The following DSG2 variants were observed in gnomAD, a reference collection of about 807,000 sequenced individuals.
DSG2 encodes desmoglein-2.
DSG2 carries 45 observed loss-of-function variants against 75.6 expected under a neutral mutation model. The ratio of observed to expected loss-of-function variants is 0.60; its 90% CI spans 0.47 to 0.76. DSG2 has a LOEUF of 0.76. Ranked by LOEUF, DSG2 falls within the 30% of genes least tolerant of loss-of-function variation. The probability of loss-of-function intolerance (pLI) is 0.00; values close to 1 mark genes in which losing one functional copy is unlikely to be tolerated. For missense variants in DSG2, 1,267 were observed against 1,357.4 expected (o/e 0.93, Z 1.05); for synonymous variants, 429 against 483.9 (o/e 0.89, Z 1.49).
At chr18:31,519,654 A>T (rs929070234) in intron 2 of DSG2, 149 bp from the exon 3 acceptor site, 1 of 792,252 alleles carries the variant, frequency 1.3e-6, no homozygotes, top group Non-Finnish European at 2.1e-6. Flanking sequence ...GAATATATAT[A>T]TTCCCTTTTA....
chr18:31,531,659 G>A (rs1487390966), intron 9 of DSG2, among the ~76,000 whole-genome samples: 1 of 152,218 alleles, frequency 6.6e-6, no homozygotes, highest in Admixed American at 6.5e-5. Context: ...ATTTTAATAT[G>A]GGGAAACCAG....
chr18:31,522,011 T>C (rs2144317552), intron 5 of DSG2, 72 bp from the exon 6 acceptor site: 1 of 1,445,896 alleles, frequency 6.9e-7, no homozygotes, highest in Middle Eastern at 1.8e-4. Flanking sequence ...CAAGCTAAAA[T>C]TATAAATAAA....
chr18:31,522,393 G>A, intron 6 of DSG2, 144 bp downstream of exon 6: 1 of 821,174 alleles, frequency 1.2e-6, no homozygotes, highest in Non-Finnish European at 1.9e-6. Context: ...TTAGGGATGT[G>A]CTGTCCAATA....
intron 1 of DSG2, among the ~76,000 whole-genome samples, chr18:31,514,235 T>C (rs2073081745): frequency 6.6e-6 from 1 of 152,166 alleles, no homozygotes; most frequent in Non-Finnish European, 1.5e-5. Flanking sequence ...TATGAGGAAA[T>C]TGGAGAAAGG....
chr18:31,541,348 C>T, intron 13 of DSG2, 34 bp downstream of exon 13: 1 of 1,612,590 alleles, frequency 6.2e-7, no homozygotes, highest in Non-Finnish European at 8.5e-7. Context: ...GACTTGTCTT[C>T]TTCTTGGGTT....
At chr18:31,517,216 T>G (rs2073099157) in intron 1 of DSG2, among the ~76,000 whole-genome samples, 1 of 152,172 alleles carries the variant, frequency 6.6e-6, no homozygotes, top group Non-Finnish European at 1.5e-5. Flanking sequence ...GCTAAAAGTT[T>G]TGATCTCATG....
chr18:31,535,426 TAG>T lies in DSG2; in HGVS notation c.1423+16_1423+17del, dbSNP rs762624659. On this transcript the variant is annotated intron_variant, in intron 10 of 14. Transcript: ENST00000261590. ...CCATATCAGAAGGTAAGTTATTAAATAGATCTTTTTCTTGATTATATGTATTT... is the reference window on the plus strand; with the variant it reads ...CCATATCAGAAGGTAAGTTATTAAATATCTTTTTCTTGATTATATGTATTT... 1.3e-6 allele frequency: 2 copies of T among 1,585,020 alleles called. No individual in the cohort carries two copies. Among genetic ancestry groups the T allele is most frequent in the East Asian group, 4.5e-5 (2 of 44,658 alleles).
At chr18:31,533,435 C>T (rs1177545591) in intron 9 of DSG2, among the ~76,000 whole-genome samples, 1 of 152,124 alleles carries the variant, frequency 6.6e-6, no homozygotes, top group Admixed American at 6.6e-5. Context: ...GCCATCACAC[C>T]ACTGCATTCC....
At chr18:31,528,440 G>A (rs981142461) in intron 8 of DSG2, among the ~76,000 whole-genome samples, 3 of 152,048 alleles carry the variant, frequency 2.0e-5, no homozygotes, top group Non-Finnish European at 4.4e-5. Context: ...GGCTGGGCAC[G>A]GTGGCTCCCG....
Position 31,538,982 on chromosome 18 carries a change from A to G in DSG2, c.1879+4A>G. On this transcript the variant is annotated splice_donor_region_variant and intron_variant, in intron 12 of 14. Coordinates refer to ENST00000261590, the MANE Select transcript of DSG2 (RefSeq NM_001943.5). ...TTGGCCTTTCTGCTCCTGCTATGTA[A>G]GTCTTTAAAAGCCACTCTGTTGTGC... 1 of 1,612,404 alleles carries G rather than the reference A, an allele frequency of 6.2e-7. No homozygotes were observed. Among genetic ancestry groups the G allele is most frequent in the Non-Finnish European group, 8.5e-7 (1 of 1,179,878 alleles).
chr18:31,508,185 G>A (rs2212618), intron 1 of DSG2, among the ~76,000 whole-genome samples: 74,111 of 151,728 alleles, frequency 0.49, 20,647 homozygotes, highest in African/African-American at 0.78. Flanking sequence ...GGTATTTTTT[G>A]AGTGACAAAT....
intron 8 of DSG2, among the ~76,000 whole-genome samples, chr18:31,528,000 G>A (rs889151761): frequency 6.6e-6 from 1 of 152,140 alleles, no homozygotes; most frequent in Non-Finnish European, 1.5e-5. Flanking sequence ...TGAGAGTCAG[G>A]ATTTCAGCAC....
intron 6 of DSG2, among the ~76,000 whole-genome samples, chr18:31,523,380 A>G (rs1178724885): frequency 1.3e-5 from 2 of 152,116 alleles, no homozygotes; most frequent in East Asian, 1.9e-4. Context: ...CAGCCTGGGC[A>G]ACAGAGCAAG....
chr18:31,544,546 AAATAAGATAATGATG>A, intron 14 of DSG2, among the ~76,000 whole-genome samples: 1 of 152,284 alleles, frequency 6.6e-6, no homozygotes, highest in Non-Finnish European at 1.5e-5. Flanking sequence ...AAACAAGCAG[AAATAAGATAATGATG>A]AATTTTAGAG....
chr18:31,503,967 T>A (rs748129575), intron 1 of DSG2, among the ~76,000 whole-genome samples: 1 of 152,198 alleles, frequency 6.6e-6, no homozygotes, highest in East Asian at 1.9e-4. Flanking sequence ...AGCACCCACA[T>A]TGAGAAACAG....
chr18:31,538,488 C>T (rs917253752), intron 11 of DSG2, among the ~76,000 whole-genome samples: 3 of 152,102 alleles, frequency 2.0e-5, no homozygotes, highest in Non-Finnish European at 4.4e-5. Context: ...TAGAACAGTT[C>T]CTAGCTTTCC....
rs1324490211 is a variant in DSG2 at position 31,540,379 on chromosome 18, C to T, written c.1880-814C>T. Among the ~76,000 whole-genome samples the T allele has an allele frequency of 4.6e-5, 7 of 152,326 alleles. No individual in the cohort carries two copies. The East Asian group carries it at 1.2e-3, about 25-fold the overall frequency. On this transcript the variant is annotated intron_variant, in intron 12 of 14. Coordinates refer to ENST00000261590, the MANE Select transcript of DSG2 (RefSeq NM_001943.5). ...ATACATAACGGTAAATGACTTGTCT[C>T]AGCTTACCAAGTTTGTAGGTAGGTA...
chr18:31,541,737 C>G (rs2073269430), intron 13 of DSG2, among the ~76,000 whole-genome samples: 1 of 152,190 alleles, frequency 6.6e-6, no homozygotes, highest in African/African-American at 2.4e-5. Context: ...TACATCATAG[C>G]CATATCCCTT....
In DSG2 at chr18:31,545,841, G is replaced by A; in HGVS notation, c.2455G>A (p.Gly819Arg). The change falls in exon 15 of 15, where the codon GGA (glycine) becomes AGA (arginine). Residue 819 changes from glycine to arginine, a missense_variant. Physicochemically the swap from Gly to Arg is moderately radical, Grantham distance 125. Coordinates refer to ENST00000261590, the MANE Select transcript of DSG2 (RefSeq NM_001943.5). ...TATTGGTTGTTGCAGTTTTATTGAA[G>A]GAGAGCTAGATGACCGCTTCTTAGA... ...ASIGCCSFIE[G>R]ELDDRFLDDL... The A allele has an allele frequency of 6.2e-7, 1 of 1,614,158 alleles. No individual in the cohort carries two copies. Among genetic ancestry groups the A allele is most frequent in the Non-Finnish European group, 8.5e-7 (1 of 1,180,030 alleles).
Sources: gnomAD v4.1 joint callset for allele counts (sites outside exome capture counted in the v4.1 genomes callset) on GRCh38, gnomAD v4.1.1 for gene constraint, MANE v1.5 for transcripts, NCBI Gene and HGNC (gene_info 2026-07-23, HGNC 2026-07-21) for gene names.